FHOD3: variants seen among roughly 807,000 people sequenced by gnomAD.
The protein encoded by FHOD3 is formin homology 2 domain containing 3.
In FHOD3, 90 loss-of-function variants were observed where a neutral mutation model predicts 173.0. That is an observed-to-expected ratio of 0.52 (90% CI 0.44 to 0.62). The LOEUF is 0.62. FHOD3 is among the 20% of genes least tolerant of loss of function. The probability of loss-of-function intolerance (pLI) is 0.00; values close to 1 mark genes in which losing one functional copy is unlikely to be tolerated. For synonymous variants in FHOD3, 828 were observed against 823.0 expected, an observed-to-expected ratio of 1.01 and a Z score of -0.10; for missense variants, 1,945 against 2,034.7, an observed-to-expected ratio of 0.96 and a Z score of 0.85.
chr18:36,510,099 C>T (rs2055551921), intron 4 of FHOD3, among the ~76,000 whole-genome samples: 2 of 152,124 alleles, frequency 1.3e-5, no homozygotes, highest in African/African-American at 4.8e-5. Context: ...AGTTCTTTTC[C>T]AAACTAAATT....
At chr18:36,343,482 G>A (rs2045728023) in intron 1 of FHOD3, among the ~76,000 whole-genome samples, 1 of 152,136 alleles carries the variant, frequency 6.6e-6, no homozygotes, top group Non-Finnish European at 1.5e-5. Flanking sequence ...TGTTGAGGGT[G>A]GGCATAATGG....
intron 1 of FHOD3, among the ~76,000 whole-genome samples, chr18:36,330,596 AT>A (rs56791832): frequency 0.11 from 16,249 of 150,288 alleles, 2,890 homozygotes; most frequent in African/African-American, 0.38. Flanking sequence ...AGGGCTGACC[AT>A]CCGTCATTTT....
intron 3 of FHOD3, among the ~76,000 whole-genome samples, chr18:36,393,178 C>G (rs2048383228): frequency 6.6e-6 from 1 of 152,224 alleles, no homozygotes; most frequent in Admixed American, 6.5e-5. Flanking sequence ...GGGCAGAAGG[C>G]TGCCTGCTTA....
intron 3 of FHOD3, among the ~76,000 whole-genome samples, chr18:36,404,960 T>C (rs1004645768): frequency 6.6e-6 from 1 of 152,258 alleles, no homozygotes; most frequent in Non-Finnish European, 1.5e-5. Flanking sequence ...GCTCTCTTCA[T>C]ATTCTGACTT....
intron 2 of FHOD3, 83 bp from the exon 3 acceptor site, chr18:36,372,597 C>A: frequency 8.5e-7 from 1 of 1,176,926 alleles, no homozygotes; most frequent in Non-Finnish European, 1.2e-6. Flanking sequence ...GTGGGTATGT[C>A]AGAACCTTCA....
intron 28 of FHOD3, among the ~76,000 whole-genome samples, chr18:36,771,514 T>C (rs1476816757): frequency 6.6e-6 from 1 of 152,236 alleles, no homozygotes; most frequent in Admixed American, 6.5e-5. Context: ...GGCTCATTTT[T>C]TTGTGATAGG....
chr18:36,673,524 A>G (rs1164841074), intron 14 of FHOD3, among the ~76,000 whole-genome samples: 1 of 152,066 alleles, frequency 6.6e-6, no homozygotes, highest in African/African-American at 2.4e-5. Context: ...AGTATTCCTA[A>G]TCACCACTTA....
At chr18:36,750,549 G>A (rs988083155) in intron 24 of FHOD3, among the ~76,000 whole-genome samples, 6 of 152,114 alleles carry the variant, frequency 3.9e-5, no homozygotes, top group African/African-American at 1.4e-4. Context: ...ATTTCGCTGT[G>A]ATTGCTTTGT....
intron 9 of FHOD3, among the ~76,000 whole-genome samples, chr18:36,619,209 A>G (rs1003804716): frequency 6.6e-6 from 1 of 152,214 alleles, no homozygotes; most frequent in African/African-American, 2.4e-5. Context: ...AAGAACCTCC[A>G]TTCTTTAGTC....
chr18:36,502,009 A>T lies in FHOD3; in HGVS notation c.405+10A>T, dbSNP rs1331264753. The stretch of plus-strand genomic sequence containing the variant: ...GAAGCAGATATTTCAGGTAAATAGG[A>T]AAAAAATAAGTACTTACCTGTTTTT... On this transcript the variant is annotated intron_variant, in intron 4 of 28. Coordinates refer to ENST00000590592, the MANE Select transcript of FHOD3 (RefSeq NM_001281740.3). The T allele has an allele frequency of 1.3e-6, 2 of 1,584,952 alleles. No individual in the cohort carries two copies.
chr18:36,482,883 AG>A lies in FHOD3; in HGVS notation c.338-19048del, dbSNP rs1599327184. 2.0e-5 allele frequency among the ~76,000 whole-genome samples: 3 copies of A among 149,684 alleles called. No homozygotes were observed. In the South Asian group the frequency reaches 6.3e-4, roughly 31 times the overall value. On this transcript the variant is annotated intron_variant, in intron 3 of 28. Transcript: ENST00000590592. The stretch of plus-strand genomic sequence containing the variant: ...CAGAGAGAGAGAGAGAGAGAGAGAG[AG>A]AGAGAGAGAGAACGAGAACATTGTA...
chr18:36,429,983 C>T (rs914224970), intron 3 of FHOD3, among the ~76,000 whole-genome samples: 5 of 152,146 alleles, frequency 3.3e-5, no homozygotes, highest in African/African-American at 1.2e-4. Flanking sequence ...GTGCCTGTTA[C>T]CTCATGTGGG....
chr18:36,435,101 CTTTT>C (rs36034498), intron 3 of FHOD3, among the ~76,000 whole-genome samples: 1 of 138,160 alleles, frequency 7.2e-6, no homozygotes. Flanking sequence ...TTTCACTGGA[CTTTT>C]TTTTTTTTTT....
At chr18:36,370,713 A>C (rs1471581349) in intron 2 of FHOD3, among the ~76,000 whole-genome samples, 3 of 152,158 alleles carry the variant, frequency 2.0e-5, no homozygotes, top group African/African-American at 7.2e-5. Context: ...TTCATTTGAC[A>C]TTTACCATTG....
chr18:36,499,432 T>C (rs1412680019), intron 3 of FHOD3, among the ~76,000 whole-genome samples: 1 of 152,210 alleles, frequency 6.6e-6, no homozygotes, highest in Non-Finnish European at 1.5e-5. Context: ...TACCTGGAAT[T>C]GGCTCTTTTC....
chr18:36,625,137 G>T (rs781676734), intron 9 of FHOD3, among the ~76,000 whole-genome samples: 1 of 152,182 alleles, frequency 6.6e-6, no homozygotes, highest in Non-Finnish European at 1.5e-5. Flanking sequence ...AGAGATTCAG[G>T]CTCATGGAGC....
At chr18:36,779,398 A>G in intron 28 of FHOD3, 50 bp from the exon 29 acceptor site, 1 of 1,574,120 alleles carries the variant, frequency 6.4e-7, no homozygotes, top group South Asian at 1.1e-5. Flanking sequence ...TGCTGCTCAT[A>G]CTTCCTTTTC....
At chr18:36,501,334 G>A (rs7237107) in intron 3 of FHOD3, among the ~76,000 whole-genome samples, 3,983 of 152,260 alleles carry the variant, frequency 0.026, 149 homozygotes, top group African/African-American at 0.09. Flanking sequence ...CAGCTAGTCC[G>A]TAGAGCTGCC....
At chr18:36,617,583 CTGTG>C (rs763613681) in intron 9 of FHOD3, among the ~76,000 whole-genome samples, 40 of 116,344 alleles carry the variant, frequency 3.4e-4, no homozygotes, top group African/African-American at 8.9e-4. Context: ...TTGTACTTCC[CTGTG>C]TGTGTGTGTG....
Sources: gnomAD v4.1 joint callset for allele counts (sites outside exome capture counted in the v4.1 genomes callset) on GRCh38, gnomAD v4.1.1 for gene constraint, MANE v1.5 for transcripts, NCBI Gene and HGNC (gene_info 2026-07-23, HGNC 2026-07-21) for gene names.